The following TMC1 variants were observed in gnomAD, a reference collection of about 807,000 sequenced individuals.
The protein encoded by TMC1 is transmembrane channel like 1, also known as transmembrane channel-like protein 1.
In TMC1, 84 loss-of-function variants were observed where a neutral mutation model predicts 105.8. That is an observed-to-expected ratio of 0.79 (90% confidence interval 0.67 to 0.95). TMC1 has a LOEUF of 0.95. TMC1 is among the 40% of genes least tolerant of loss of function. The probability of loss-of-function intolerance (pLI) is 0.00; values close to 1 mark genes in which losing one functional copy is unlikely to be tolerated. For synonymous variants in TMC1, 315 were observed against 311.5 expected, an observed-to-expected ratio of 1.01 and a Z score of -0.12; for missense variants, 817 against 914.1, an observed-to-expected ratio of 0.89 and a Z score of 1.37.
At position 72,552,053 on chromosome 9, in the gene TMC1, AC is replaced by A. The variant is rs1214813974; in HGVS notation, c.-427-25846del. Reference sequence around the variant, plus strand: ...GAACAGATTTGTGTTGTTTTAAGACACCCACCATGTGGTAATTTATTACAGT... The same window carrying A: ...GAACAGATTTGTGTTGTTTTAAGACACCACCATGTGGTAATTTATTACAGT... On this transcript the variant is annotated intron_variant, in intron 1 of 23. Coordinates refer to ENST00000297784, the MANE Select transcript of TMC1 (RefSeq NM_138691.3). Among the ~76,000 whole-genome samples, 6 of 151,978 alleles carry A rather than the reference AC, an allele frequency of 3.9e-5. No individual in the cohort carries two copies. The East Asian group carries it at 1.2e-3, about 29-fold the overall frequency.
At chr9:72,647,484 C>T (rs1487337958) in intron 4 of TMC1, among the ~76,000 whole-genome samples, 1 of 151,980 alleles carries the variant, frequency 6.6e-6, no homozygotes, top group Non-Finnish European at 1.5e-5. Context: ...GCAACAAAAC[C>T]TTATCTCTTT....
intron 4 of TMC1, among the ~76,000 whole-genome samples, chr9:72,629,949 T>G (rs1825419802): frequency 6.6e-6 from 1 of 152,134 alleles, no homozygotes; most frequent in African/African-American, 2.4e-5. Flanking sequence ...CACTGCAACC[T>G]TCACCTCCTG....
intron 8 of TMC1, among the ~76,000 whole-genome samples, chr9:72,705,710 G>A (rs1328611520): frequency 2.0e-5 from 3 of 152,218 alleles, no homozygotes; most frequent in Admixed American, 1.3e-4. Flanking sequence ...AACATTTCAT[G>A]AGTCTACAAA....
Position 72,743,378 on chromosome 9 carries a change from A to T in TMC1, c.535+853A>T, listed in dbSNP as rs937986129. On this transcript the variant is annotated intron_variant, in intron 10 of 23. Coordinates refer to ENST00000297784, the MANE Select transcript of TMC1 (RefSeq NM_138691.3). Reference sequence around the variant, plus strand: ...CGAGACTCCGTCTCACAAAAAAAAAAAAATAAAAAAAATAAAAAATAAAAA... The same window carrying T: ...CGAGACTCCGTCTCACAAAAAAAAATAAATAAAAAAAATAAAAAATAAAAA... Among the ~76,000 whole-genome samples the T allele has an allele frequency of 7.3e-5, 11 of 150,212 alleles. 1 individual carries two copies. Among genetic ancestry groups the T allele is most frequent in the Middle Eastern group, 3.4e-3 (1 of 294 alleles).
At chr9:72,623,147 GTTT>G (rs1162181237) in intron 3 of TMC1, among the ~76,000 whole-genome samples, 54 of 113,710 alleles carry the variant, frequency 4.7e-4, no homozygotes, top group Non-Finnish European at 7.0e-4. Context: ...CTCTCTCCCT[GTTT>G]TTTTTTTTTT....
At chr9:72,769,707 G>T (rs1462314959) in intron 12 of TMC1, among the ~76,000 whole-genome samples, 1 of 152,138 alleles carries the variant, frequency 6.6e-6, no homozygotes, top group African/African-American at 2.4e-5. Flanking sequence ...AAGGTGTTTG[G>T]CAAGTGCTAA....
chr9:72,677,124 G>A (rs1826214972), intron 5 of TMC1, among the ~76,000 whole-genome samples: 1 of 128,798 alleles, frequency 7.8e-6, no homozygotes, highest in African/African-American at 3.3e-5. Flanking sequence ...TAGGGGAACA[G>A]AAATTACACA....
intron 1 of TMC1, among the ~76,000 whole-genome samples, chr9:72,544,597 AGCGT>A (rs1823733257): frequency 6.7e-6 from 1 of 149,230 alleles, no homozygotes; most frequent in African/African-American, 2.5e-5. Flanking sequence ...CTCCTGACTC[AGCGT>A]CCTGAGTAAC....
chr9:72,654,440 A>C (rs1464903381), intron 5 of TMC1, among the ~76,000 whole-genome samples: 1 of 152,114 alleles, frequency 6.6e-6, no homozygotes, highest in Non-Finnish European at 1.5e-5. Flanking sequence ...CTTCCTTTAG[A>C]GTAAGTATTT....
At chr9:72,550,550 C>T (rs144491692) in intron 1 of TMC1, among the ~76,000 whole-genome samples, 2,556 of 145,868 alleles carry the variant, frequency 0.018, 64 homozygotes, top group African/African-American at 0.062. Flanking sequence ...CCCAGCTACA[C>T]GGGAGGCTGA....
intron 4 of TMC1, among the ~76,000 whole-genome samples, chr9:72,638,077 C>T (rs1825564342): frequency 6.6e-6 from 1 of 151,766 alleles, no homozygotes; most frequent in Non-Finnish European, 1.5e-5. Flanking sequence ...CCCACCACCA[C>T]CCCCTTCATT....
At chr9:72,552,902 C>A (rs975547696) in intron 1 of TMC1, among the ~76,000 whole-genome samples, 1 of 152,022 alleles carries the variant, frequency 6.6e-6, no homozygotes, top group Non-Finnish European at 1.5e-5. Flanking sequence ...TTTTAAATGT[C>A]CATATTAAAT....
chr9:72,558,182 C>T (rs775670060), intron 1 of TMC1, among the ~76,000 whole-genome samples: 25 of 152,238 alleles, frequency 1.6e-4, no homozygotes, highest in Non-Finnish European at 3.2e-4. Flanking sequence ...CTCTCTCTCT[C>T]TCTTTCTGTC....
In TMC1 at chr9:72,821,361, G is replaced by T. The variant is rs111717003; in HGVS notation, c.2003+280G>T. On this transcript the variant is annotated intron_variant, in intron 20 of 23. Transcript: ENST00000297784. The stretch of plus-strand genomic sequence containing the variant: ...ATACAAAGAAAAAAAAATTAGTCGC[G>T]TGTGGTGGTGGGTGCCTGTAATCCC... Among the ~76,000 whole-genome samples, 204 of 152,148 alleles carry T rather than the reference G, an allele frequency of 1.3e-3. 1 individual carries two copies. The highest frequency in any genetic ancestry group is 4.2e-3 in the African/African-American group (173 of 41,510).
At chr9:72,596,821 A>G (rs1298356509) in intron 2 of TMC1, among the ~76,000 whole-genome samples, 1 of 152,216 alleles carries the variant, frequency 6.6e-6, no homozygotes, top group Non-Finnish European at 1.5e-5. Flanking sequence ...ACACATAGCT[A>G]ACTAAAGAAA....
chr9:72,751,260 G>T (rs1827575464), intron 10 of TMC1, among the ~76,000 whole-genome samples: 1 of 152,144 alleles, frequency 6.6e-6, no homozygotes, highest in South Asian at 2.1e-4. Context: ...ATAATTTCTG[G>T]CATAAGATGT....
chr9:72,609,812 A>C (rs1824993561), intron 2 of TMC1, among the ~76,000 whole-genome samples: 1 of 151,640 alleles, frequency 6.6e-6, no homozygotes, highest in African/African-American at 2.4e-5. Context: ...TTTGCCTGAA[A>C]TATTATTTCC....
intron 13 of TMC1, among the ~76,000 whole-genome samples, chr9:72,786,653 AGTAGAGCTTATAGCTATCATGG>A (rs1192045680): frequency 1.3e-5 from 2 of 152,228 alleles, no homozygotes; most frequent in Non-Finnish European, 2.9e-5. Context: ...ATAGACAAAG[AGTAGAGCTTATAGCTATCATGG>A]CCATATCTCA....
chr9:72,830,231 T>C (rs1829017542), intron 21 of TMC1, among the ~76,000 whole-genome samples: 1 of 152,178 alleles, frequency 6.6e-6, no homozygotes, highest in South Asian at 2.1e-4. Flanking sequence ...GGGCCCCAAC[T>C]TTCCAACTTC....
Sources: allele counts gnomAD v4.1 joint callset (sites outside exome capture counted in the v4.1 genomes callset), GRCh38; gene constraint gnomAD v4.1.1; transcripts MANE v1.5; gene names NCBI Gene and HGNC (gene_info 2026-07-23, HGNC 2026-07-21).